FOCAD: variants seen among roughly 807,000 people sequenced by gnomAD.
FOCAD encodes focadhesin, also known as KIAA1797.
A neutral mutation model predicts 225.6 loss-of-function variants in FOCAD; 198 were observed. The observed-to-expected ratio is 0.88, with a 90% CI of 0.78 to 0.99. The LOEUF (loss-of-function observed/expected upper bound fraction) is 0.99, where lower values mean the gene tolerates loss of function less well. FOCAD is among the 50% of genes least tolerant of loss of function. The probability of loss-of-function intolerance (pLI) is 0.00; values close to 1 mark genes in which losing one functional copy is unlikely to be tolerated. For synonymous variants in FOCAD, 897 were observed against 755.0 expected, an observed-to-expected ratio of 1.19 and a Z score of -3.08; for missense variants, 2,713 against 2,123.6, an observed-to-expected ratio of 1.28 and a Z score of -5.46.
chr9:20,699,559 G>C (rs1418376840), intron 1 of FOCAD, among the ~76,000 whole-genome samples: 1 of 150,744 alleles, frequency 6.6e-6, no homozygotes, highest in Admixed American at 6.6e-5. Context: ...GGCTAACACA[G>C]TGAAACCCTG....
At chr9:20,940,956 CT>C (rs1021210000) in intron 28 of FOCAD, among the ~76,000 whole-genome samples, 8 of 149,618 alleles carry the variant, frequency 5.3e-5, no homozygotes, top group Non-Finnish European at 8.9e-5. Flanking sequence ...GTCACCCACA[CT>C]TTTTTTTTTA....
At chr9:20,970,668 G>T (rs962939286) in intron 35 of FOCAD, among the ~76,000 whole-genome samples, 2 of 151,908 alleles carry the variant, frequency 1.3e-5, no homozygotes, top group Non-Finnish European at 2.9e-5. Flanking sequence ...TCTTTGTCTA[G>T]TAAGTCCAAT....
intron 11 of FOCAD, among the ~76,000 whole-genome samples, chr9:20,808,865 G>T (rs930815820): frequency 4.6e-5 from 7 of 152,022 alleles, no homozygotes; most frequent in Non-Finnish European, 7.4e-5. Context: ...CATTTTTGCT[G>T]AAAGTAATTT....
chr9:20,929,334 T>C (rs768303338), intron 26 of FOCAD, 24 bp from the exon 27 acceptor site: 1 of 1,595,596 alleles, frequency 6.3e-7, no homozygotes, highest in Non-Finnish European at 8.6e-7. Context: ...GCTAACCCTG[T>C]TTTCTTTCTT....
intron 35 of FOCAD, among the ~76,000 whole-genome samples, chr9:20,956,467 A>G (rs1413971726): frequency 6.6e-6 from 1 of 152,224 alleles, no homozygotes; most frequent in East Asian, 1.9e-4. Context: ...GATAGCCATT[A>G]TAAATATGTC....
At chr9:20,887,206 T>C (rs917302141) in intron 21 of FOCAD, among the ~76,000 whole-genome samples, 2 of 152,052 alleles carry the variant, frequency 1.3e-5, no homozygotes, top group Admixed American at 6.6e-5. Flanking sequence ...CTTTTTTATT[T>C]CCAAGTATTT....
chr9:20,765,127 AT>A, intron 7 of FOCAD, 54 bp downstream of exon 7: 2 of 1,483,684 alleles, frequency 1.3e-6, no homozygotes, highest in Non-Finnish European at 1.8e-6. Context: ...AAGTGTTGTT[AT>A]TGTCATAGAC....
intron 35 of FOCAD, among the ~76,000 whole-genome samples, chr9:20,954,522 C>G (rs888545345): frequency 2.6e-5 from 4 of 152,078 alleles, no homozygotes; most frequent in African/African-American, 9.7e-5. Context: ...TCCCCAGATC[C>G]ATATTTCTTG....
chr9:20,695,602 T>C (rs1335861928), intron 1 of FOCAD, among the ~76,000 whole-genome samples: 1 of 152,168 alleles, frequency 6.6e-6, no homozygotes, highest in Non-Finnish European at 1.5e-5. Flanking sequence ...TAAAGAGATA[T>C]GAAATGGAAT....
chr9:20,957,478 C>CTTTTCTTTTTTTTTTTTTTT (rs1554741394), intron 35 of FOCAD: 2 of 81,480 alleles, frequency 2.5e-5, no homozygotes, highest in African/African-American at 4.9e-5. Context: ...CTTTTCTTTT[C>CTTTTCTTTTTTTTTTTTTTT]TTTTTTTTTT....
rs148482919 is a variant in FOCAD at position 20,748,500 on chromosome 9, A to G, written c.392+8160A>G. ...GAAAATGTACACATGCATATATACT[A>G]AAAATTTTACATATGGTTTCAGAGG... is the stretch of plus-strand genomic sequence containing the variant. On this transcript the variant is annotated intron_variant, in intron 5 of 43. Coordinates refer to ENST00000338382, the MANE Select transcript of FOCAD (RefSeq NM_001375567.1). Among the ~76,000 whole-genome samples the G allele has an allele frequency of 6.1e-3, 931 of 152,248 alleles. 9 individuals are homozygous for G. Among genetic ancestry groups the G allele is most frequent in the African/African-American group, 0.021 (889 of 41,548 alleles).
At chr9:20,748,611 T>A (rs1469019179) in intron 5 of FOCAD, among the ~76,000 whole-genome samples, 1 of 152,030 alleles carries the variant, frequency 6.6e-6, no homozygotes, top group Non-Finnish European at 1.5e-5. Flanking sequence ...CCCAATGGAG[T>A]TAAGGATAAA....
chr9:20,833,454 A>G (rs1296012299), intron 15 of FOCAD, among the ~76,000 whole-genome samples: 1 of 152,084 alleles, frequency 6.6e-6, no homozygotes, highest in East Asian at 1.9e-4. Context: ...ACTAAAGATA[A>G]ACATACTAAT....
intron 26 of FOCAD, among the ~76,000 whole-genome samples, chr9:20,928,683 C>T (rs1288062453): frequency 6.6e-6 from 1 of 152,138 alleles, no homozygotes; most frequent in Non-Finnish European, 1.5e-5. Flanking sequence ...TAGGAAGGGG[C>T]ATATAGAGCT....
intron 40 of FOCAD, among the ~76,000 whole-genome samples, chr9:20,987,912 G>A (rs567185432): frequency 3.9e-4 from 59 of 152,236 alleles, no homozygotes; most frequent in Non-Finnish European, 7.6e-4. Flanking sequence ...CATGTCTTTG[G>A]GTTAGGTTTC....
intron 21 of FOCAD, among the ~76,000 whole-genome samples, chr9:20,896,064 T>TA (rs1191431183): frequency 1.3e-5 from 2 of 151,908 alleles, no homozygotes; most frequent in Non-Finnish European, 2.9e-5. Flanking sequence ...TGAGAGTTTT[T>TA]ATCATGAAAA....
rs758945973 is a variant in FOCAD at position 20,948,319 on chromosome 9, G to T, written c.3724G>T (p.Val1242Leu). ...AGGAAACATAGTTCATGGATTGTCT[G>T]TGTGTGGACATGGAAAAGCTGAAGA... The part of the protein sequence containing the change: ...ALGNIVHGLS[V>L]CGHGKAEDLG... Residue 1242 changes from valine to leucine, a missense_variant, in exon 31 of 44, where the codon GTG becomes TTG. By Grantham distance (32) the Val-to-Leu change is conservative. Coordinates refer to ENST00000338382, the MANE Select transcript of FOCAD (RefSeq NM_001375567.1). The T allele has an allele frequency of 1.9e-6, 3 of 1,612,230 alleles. No homozygotes were observed. The highest frequency in any genetic ancestry group is 2.2e-5 in the East Asian group (1 of 44,786).
intron 29 of FOCAD, among the ~76,000 whole-genome samples, chr9:20,946,315 C>A (rs1225003796): frequency 6.6e-6 from 1 of 152,112 alleles, no homozygotes; most frequent in African/African-American, 2.4e-5. Flanking sequence ...GAATGCATGG[C>A]AATTAATTAG....
intron 1 of FOCAD, among the ~76,000 whole-genome samples, chr9:20,710,495 G>A (rs1293361495): frequency 6.6e-6 from 1 of 151,796 alleles, no homozygotes; most frequent in East Asian, 1.9e-4. Context: ...TACTCTGGAG[G>A]CTGAGGCAGG....
Sources: gnomAD v4.1 joint callset for allele counts (sites outside exome capture counted in the v4.1 genomes callset) on GRCh38, gnomAD v4.1.1 for gene constraint, MANE v1.5 for transcripts, NCBI Gene and HGNC (gene_info 2026-07-23, HGNC 2026-07-21) for gene names.